Variants in CFAP61 observed in about 807,000 individuals in gnomAD.
CFAP61 encodes cilia- and flagella-associated protein 61.
In CFAP61, 107 loss-of-function variants were observed where a neutral mutation model predicts 135.6. The ratio of observed to expected loss-of-function variants is 0.79; its 90% CI spans 0.67 to 0.93. The LOEUF (loss-of-function observed/expected upper bound fraction) is 0.93. Ranked by LOEUF, CFAP61 falls within the 40% of genes least tolerant of loss-of-function variation. CFAP61 has a pLI of 0.00. For synonymous variants in CFAP61, 575 were observed against 578.5 expected (o/e 0.99, Z 0.09); for missense variants, 1,507 against 1,556.2 (o/e 0.97, Z 0.53).
In CFAP61 at chr20:20,294,937, AAATAATAATAAT is replaced by A. The variant is rs11474551; in HGVS notation, c.3217-3215_3217-3204del. On this transcript the variant is annotated intron_variant, in intron 24 of 26. Coordinates refer to ENST00000245957, the MANE Select transcript of CFAP61 (RefSeq NM_015585.4). ...GCGACAGAGCGAGACTCCGTCTCAAAAATAATAATAATAATAATAATAATAATAATAATAATA... is the reference window on the plus strand; with the variant it reads ...GCGACAGAGCGAGACTCCGTCTCAAAAATAATAATAATAATAATAATAATA... Among the ~76,000 whole-genome samples, 98 of 142,906 alleles carry A rather than the reference AAATAATAATAAT, an allele frequency of 6.9e-4. No homozygotes were observed. In the South Asian group the frequency reaches 8.9e-3, roughly 13 times the overall value. 93.8% of individuals were successfully genotyped at this position (142,906 alleles called of 152,430 possible).
intron 25 of CFAP61, among the ~76,000 whole-genome samples, chr20:20,320,335 TTA>T (rs1320615802): frequency 2.7e-4 from 24 of 89,642 alleles, no homozygotes; most frequent in African/African-American, 9.5e-4. Context: ...TATATATATA[TTA>T]TATATATGTA....
chr20:20,185,411 G>A (rs1400849681), intron 13 of CFAP61, among the ~76,000 whole-genome samples: 1 of 152,040 alleles, frequency 6.6e-6, no homozygotes, highest in African/African-American at 2.4e-5. Context: ...GACTAGCACT[G>A]GAGGTCTTGA....
chr20:20,222,513 C>T (rs1203499438), intron 17 of CFAP61, among the ~76,000 whole-genome samples: 1 of 152,128 alleles, frequency 6.6e-6, no homozygotes, highest in Non-Finnish European at 1.5e-5. Context: ...GCTGGAGCTA[C>T]CAAATTGTTC....
chr20:20,122,762 TCCTC>T (rs1459661152), intron 8 of CFAP61, among the ~76,000 whole-genome samples: 4 of 152,078 alleles, frequency 2.6e-5, no homozygotes, highest in African/African-American at 9.7e-5. Flanking sequence ...ATGACTATTT[TCCTC>T]TGGGTAGATC....
chr20:20,318,611 G>A (rs1241689088), intron 25 of CFAP61, among the ~76,000 whole-genome samples: 1 of 152,174 alleles, frequency 6.6e-6, no homozygotes, highest in Non-Finnish European at 1.5e-5. Flanking sequence ...ATCATGGGGA[G>A]TCCCAGGCTT....
Position 20,183,621 on chromosome 20 carries a change from AAG to A in CFAP61, c.1386-4308_1386-4307del, listed in dbSNP as rs1389094111. The stretch of plus-strand genomic sequence containing the variant: ...TAGCCACATTAATTTAAAAATCAAA[AAG>A]TAGGTGAAATTAATTGTAACATTTA... On this transcript the variant is annotated intron_variant, in intron 13 of 26. Transcript: ENST00000245957. 3.9e-5 allele frequency among the ~76,000 whole-genome samples: 6 copies of A among 152,386 alleles called. No homozygotes were observed. The South Asian group carries it at 6.2e-4, about 16-fold the overall frequency.
At chr20:20,228,490 ACCCT>A in intron 18 of CFAP61, 114 bp downstream of exon 18, 4 of 840,170 alleles carry the variant, frequency 4.8e-6, no homozygotes, top group Non-Finnish European at 7.5e-6. Context: ...TACTCCACAC[ACCCT>A]GCCTATGTGG....
At chr20:20,227,155 C>T (rs1601506909) in intron 17 of CFAP61, among the ~76,000 whole-genome samples, 1 of 152,292 alleles carries the variant, frequency 6.6e-6, no homozygotes, top group South Asian at 2.1e-4. Context: ...TGGGTGGGAA[C>T]CCAAATAAGA....
chr20:20,195,786 T>G (rs1176891159), intron 15 of CFAP61, among the ~76,000 whole-genome samples: 1 of 152,142 alleles, frequency 6.6e-6, no homozygotes, highest in South Asian at 2.1e-4. Flanking sequence ...GTAATCAAAA[T>G]GTATGATATG....
chr20:20,273,359 A>G (rs1275001998), intron 21 of CFAP61, among the ~76,000 whole-genome samples: 1 of 152,206 alleles, frequency 6.6e-6, no homozygotes, highest in Non-Finnish European at 1.5e-5. Flanking sequence ...TAATAACCAG[A>G]TCTAACATCG....
intron 17 of CFAP61, among the ~76,000 whole-genome samples, chr20:20,212,129 C>T (rs2047688497): frequency 6.6e-6 from 1 of 152,110 alleles, no homozygotes; most frequent in East Asian, 1.9e-4. Flanking sequence ...TTGGTAGGAC[C>T]GAGGCTGGCA....
chr20:20,067,841 A>G (rs2045414494), intron 2 of CFAP61, among the ~76,000 whole-genome samples: 2 of 146,774 alleles, frequency 1.4e-5, no homozygotes, highest in African/African-American at 5.0e-5. Flanking sequence ...CTTTGTTCCC[A>G]TGGTGATTTT....
intron 24 of CFAP61, among the ~76,000 whole-genome samples, chr20:20,293,888 C>CTT: frequency 6.6e-6 from 1 of 152,284 alleles, no homozygotes; most frequent in Non-Finnish European, 1.5e-5. Context: ...GAGCTGGGAA[C>CTT]TTGATTTCTT....
intron 1 of CFAP61, among the ~76,000 whole-genome samples, chr20:20,054,368 A>G (rs1237349754): frequency 6.6e-6 from 1 of 151,892 alleles, no homozygotes; most frequent in Non-Finnish European, 1.5e-5. Flanking sequence ...CCCATTGACT[A>G]TTTTGTATGG....
At position 20,265,333 on chromosome 20, in the gene CFAP61, A is replaced by ATAGCAGAGAATT. The variant is rs2052623434; in HGVS notation, c.2503+2207_2503+2218dup. On this transcript the variant is annotated intron_variant, in intron 21 of 26. Transcript: ENST00000245957. ...TGCAAGGTCTTAAGGTGGAATATTG[A>ATAGCAGAGAATT]TAGCAGAGAATTTAGAAACCCCAAA... 3.9e-6 allele frequency: 3 copies of ATAGCAGAGAATT among 778,286 alleles called. No individual in the cohort carries two copies. The Admixed American group carries it at 5.1e-5, about 13-fold the overall frequency. The allele number at this position is 778,286 out of a possible 1,614,324, so 48.2% of individuals were successfully genotyped here. A position where few individuals can be genotyped will look rare whatever the true frequency, so the allele number is the denominator to read the frequency against.
chr20:20,216,508 C>G (rs1004368072), intron 17 of CFAP61, among the ~76,000 whole-genome samples: 2 of 152,240 alleles, frequency 1.3e-5, no homozygotes, highest in African/African-American at 4.8e-5. Context: ...CAAGTCACAG[C>G]TGTCATCACA....
chr20:20,149,550 A>C (rs2052221819), intron 9 of CFAP61, among the ~76,000 whole-genome samples: 1 of 152,238 alleles, frequency 6.6e-6, no homozygotes, highest in Non-Finnish European at 1.5e-5. Flanking sequence ...GTGAGGGGGG[A>C]AACTTGCTTC....
intron 25 of CFAP61, among the ~76,000 whole-genome samples, chr20:20,336,895 C>A (rs1021892098): frequency 2.7e-4 from 41 of 152,344 alleles, no homozygotes; most frequent in Admixed American, 7.2e-4. Flanking sequence ...ACATTCTCCA[C>A]CCCCACCCAC....
intron 2 of CFAP61, among the ~76,000 whole-genome samples, chr20:20,063,161 G>T (rs1377635153): frequency 6.6e-6 from 1 of 151,966 alleles, no homozygotes; most frequent in Non-Finnish European, 1.5e-5. Flanking sequence ...AAGATTCAGG[G>T]ATTGGGTATG....
Sources: allele counts gnomAD v4.1 joint callset (sites outside exome capture counted in the v4.1 genomes callset), GRCh38; gene constraint gnomAD v4.1.1; transcripts MANE v1.5; gene names NCBI Gene and HGNC (gene_info 2026-07-23, HGNC 2026-07-21).